DLGAP1: variants seen among roughly 807,000 people sequenced by gnomAD.
DLGAP1 encodes DLG associated protein 1, also known as disks large-associated protein 1.
Under a neutral mutation model 90.8 loss-of-function variants are expected in DLGAP1, and 11 were observed. That is an observed-to-expected ratio of 0.12 (90% CI 0.08 to 0.20). The LOEUF (loss-of-function observed/expected upper bound fraction) is 0.20, where lower values mean the gene tolerates loss of function less well. DLGAP1 is among the 10% of genes least tolerant of loss of function. The probability of loss-of-function intolerance (pLI) is 1.00; values close to 1 mark genes in which losing one functional copy is unlikely to be tolerated. For missense variants in DLGAP1, 1,050 were observed against 1,333.8 expected (o/e 0.79, Z 3.31); for synonymous variants, 558 against 540.7 (o/e 1.03, Z -0.44).
At chr18:4,426,698 C>T (rs1674414419) in intron 1 of DLGAP1, among the ~76,000 whole-genome samples, 1 of 152,204 alleles carries the variant, frequency 6.6e-6, no homozygotes, top group Non-Finnish European at 1.5e-5. Context: ...ATACATCTAA[C>T]ACACGAAGTA....
At chr18:3,985,793 T>G (rs1194504461) in intron 3 of DLGAP1, among the ~76,000 whole-genome samples, 1 of 152,170 alleles carries the variant, frequency 6.6e-6, no homozygotes, top group Non-Finnish European at 1.5e-5. Flanking sequence ...TTTGCTTAAC[T>G]AAACAGCTGC....
intron 2 of DLGAP1, among the ~76,000 whole-genome samples, chr18:4,142,581 T>G (rs1167998531): frequency 1.3e-5 from 2 of 152,216 alleles, no homozygotes; most frequent in Non-Finnish European, 2.9e-5. Context: ...AATAGAAGTT[T>G]CTAGCTTCTA....
chr18:4,415,196 T>C (rs2082870576), intron 1 of DLGAP1, among the ~76,000 whole-genome samples: 1 of 152,158 alleles, frequency 6.6e-6, no homozygotes, highest in Admixed American at 6.6e-5. Flanking sequence ...TTGTATAATA[T>C]ATTATCAGTT....
intron 1 of DLGAP1, among the ~76,000 whole-genome samples, chr18:4,369,002 C>A (rs34524852): frequency 1.3e-5 from 2 of 151,900 alleles, no homozygotes; most frequent in African/African-American, 4.8e-5. Context: ...CAAGTTTAAC[C>A]GACACAGCTA....
At chr18:3,778,033 G>A (rs2065014334) in intron 5 of DLGAP1, among the ~76,000 whole-genome samples, 1 of 152,134 alleles carries the variant, frequency 6.6e-6, no homozygotes, top group Non-Finnish European at 1.5e-5. Context: ...TTTACTTTGT[G>A]TTCTTATCAA....
At chr18:4,241,213 C>T (rs906449363) in intron 1 of DLGAP1, among the ~76,000 whole-genome samples, 1 of 152,230 alleles carries the variant, frequency 6.6e-6, no homozygotes, top group Non-Finnish European at 1.5e-5. Flanking sequence ...TTGAACAAGT[C>T]CTCCTGGGGA....
intron 7 of DLGAP1, among the ~76,000 whole-genome samples, chr18:3,610,445 C>A (rs1057388925): frequency 6.6e-6 from 1 of 152,148 alleles, no homozygotes; most frequent in Non-Finnish European, 1.5e-5. Flanking sequence ...TGAGATTTAA[C>A]CCACCTGTGC....
At position 4,337,193 on chromosome 18, in the gene DLGAP1, C is replaced by CTTT. The variant is rs201042095; in HGVS notation, c.-267+117810_-267+117812dup. ...GATACATTGATAGGCCAATAGTTGGCTTTTTTTTTTTTTTTTTTGAGATGG... is the reference window on the plus strand; with the variant it reads ...GATACATTGATAGGCCAATAGTTGGCTTTTTTTTTTTTTTTTTTTTTGAGATGG... On this transcript the variant is annotated intron_variant, in intron 1 of 12. Transcript: ENST00000315677. Among the ~76,000 whole-genome samples the CTTT allele has an allele frequency of 9.9e-5, 9 of 91,070 alleles. 1 individual carries two copies. The highest frequency in any genetic ancestry group is 6.8e-4 in the East Asian group (2 of 2,950). The allele number at this position is 91,070 out of a possible 152,430, so 59.7% of individuals were successfully genotyped here.
At chr18:3,780,298 T>C (rs926443744) in intron 5 of DLGAP1, among the ~76,000 whole-genome samples, 5 of 152,204 alleles carry the variant, frequency 3.3e-5, no homozygotes, top group African/African-American at 1.2e-4. Context: ...GCTTAGTGGA[T>C]TAAAACAACA....
At chr18:4,165,036 C>T (rs1162522214) in intron 1 of DLGAP1, among the ~76,000 whole-genome samples, 1 of 152,006 alleles carries the variant, frequency 6.6e-6, no homozygotes, top group African/African-American at 2.4e-5. Context: ...AAATTCATAT[C>T]CTTAAAAAGA....
chr18:3,962,362 T>C (rs2073218149), intron 3 of DLGAP1: 1 of 152,224 alleles, frequency 6.6e-6, no homozygotes, highest in Non-Finnish European at 1.5e-5. Context: ...GGAGAATTGA[T>C]CCAATGACTG....
intron 10 of DLGAP1, among the ~76,000 whole-genome samples, chr18:3,514,510 A>G (rs913552716): frequency 6.6e-6 from 1 of 152,142 alleles, no homozygotes; most frequent in Non-Finnish European, 1.5e-5. Context: ...TCTGCCACCT[A>G]CACTATAATT....
intron 10 of DLGAP1, among the ~76,000 whole-genome samples, chr18:3,512,662 C>T (rs2050611230): frequency 6.6e-6 from 1 of 152,208 alleles, no homozygotes. Flanking sequence ...TCGCAGGACC[C>T]TGTGAGGCAG....
At position 4,399,701 on chromosome 18, in the gene DLGAP1, A is replaced by G. The variant is rs537708096; in HGVS notation, c.-267+55305T>C. 9.2e-5 allele frequency among the ~76,000 whole-genome samples: 14 copies of G among 152,322 alleles called. No homozygotes were observed. The East Asian group carries it at 1.5e-3, about 17-fold the overall frequency. On this transcript the variant is annotated intron_variant, in intron 1 of 12. Transcript: ENST00000315677. ...CCTACTACTTTTCAATTGCAGGTGC[A>G]GAGGCTGGCTTTCTCCAGAGAGGCA...
intron 7 of DLGAP1, among the ~76,000 whole-genome samples, chr18:3,608,696 A>G (rs2057444177): frequency 6.6e-6 from 1 of 152,216 alleles, no homozygotes; most frequent in Non-Finnish European, 1.5e-5. Context: ...AGTAGGTCAT[A>G]AGATGCTCAT....
intron 7 of DLGAP1, among the ~76,000 whole-genome samples, chr18:3,625,109 G>T (rs1019331348): frequency 3.6e-4 from 55 of 152,286 alleles, no homozygotes; most frequent in African/African-American, 1.3e-3. Flanking sequence ...TAAGGAGATG[G>T]TCCCTCATTC....
chr18:3,551,168 TATATATATACACATACATATAA>T (rs55827203), intron 9 of DLGAP1, among the ~76,000 whole-genome samples: 99 of 3,116 alleles, frequency 0.032, 1 homozygote, highest in South Asian at 0.23. Context: ...CATATATATA[TATATATATACACATACATATAA>T]ATGCTTTTTT....
At position 3,565,781 on chromosome 18, in the gene DLGAP1, G is replaced by A. The variant is rs2054392076; in HGVS notation, c.2057+1709C>T. Among the ~76,000 whole-genome samples, 1 of 152,002 alleles carries A rather than the reference G, an allele frequency of 6.6e-6. No individual in the cohort carries two copies. Among genetic ancestry groups the A allele is most frequent in the African/African-American group, 2.4e-5 (1 of 41,414 alleles). Reference sequence around the variant, plus strand: ...ACCCAGGAGGCGGAGGTTGCAGTGAGCCGAAATTGCACCACTGCACCCCAG... The same window carrying A: ...ACCCAGGAGGCGGAGGTTGCAGTGAACCGAAATTGCACCACTGCACCCCAG... On this transcript the variant is annotated intron_variant, in intron 9 of 12. Coordinates refer to ENST00000315677, the MANE Select transcript of DLGAP1 (RefSeq NM_004746.4). This position sits in a 1 kb window ranked among gnomAD's most constrained non-coding sequence, Gnocchi z 4.0.
intron 7 of DLGAP1, chr18:3,656,166 C>G (rs2059476001): frequency 3.3e-6 from 5 of 1,496,690 alleles, no homozygotes; most frequent in Non-Finnish European, 9.0e-7. Flanking sequence ...ATCGCCTTTT[C>G]CAGGCTTCTC....
Sources: gnomAD v4.1 joint callset for allele counts (sites outside exome capture counted in the v4.1 genomes callset) on GRCh38, gnomAD v4.1.1 for gene constraint, Gnocchi (gnomAD v3.1) non-coding constraint, MANE v1.5 for transcripts, NCBI Gene and HGNC (gene_info 2026-07-23, HGNC 2026-07-21) for gene names.